Variants in ARID1A observed in about 807,000 individuals in gnomAD.
ARID1A encodes the protein AT-rich interaction domain 1A.
In ARID1A, 20 loss-of-function variants were observed where a neutral mutation model predicts 212.6. That is an observed-to-expected ratio of 0.09 (90% CI 0.07 to 0.14). The LOEUF is 0.14. Among genes scored for constraint, ARID1A ranks in the 10% least tolerant of loss-of-function variants. The pLI, the probability that ARID1A is intolerant of heterozygous loss-of-function variation, is 1.00. For missense variants in ARID1A, 2,587 were observed against 3,059.0 expected, an observed-to-expected ratio of 0.85 and a Z score of 3.64; for synonymous variants, 1,376 against 1,222.1, an observed-to-expected ratio of 1.13 and a Z score of -2.63.
At chr1:26,746,335 T>C (rs2080835095) in intron 4 of ARID1A, among the ~76,000 whole-genome samples, 1 of 152,208 alleles carries the variant, frequency 6.6e-6, no homozygotes, top group Admixed American at 6.5e-5. Flanking sequence ...CACCTTCACC[T>C]ATTCCCCCTT....
chr1:26,731,833 A>G (rs1371066052), intron 3 of ARID1A, among the ~76,000 whole-genome samples: 1 of 152,232 alleles, frequency 6.6e-6, no homozygotes, highest in Non-Finnish European at 1.5e-5. Flanking sequence ...GGGCAATGGA[A>G]AGTTGCATAG....
At chr1:26,707,590 G>A (rs1180057627) in intron 1 of ARID1A, among the ~76,000 whole-genome samples, 1 of 152,054 alleles carries the variant, frequency 6.6e-6, no homozygotes, top group African/African-American at 2.4e-5. Flanking sequence ...TGATCCGCCG[G>A]CTTTGACCTC....
chr1:26,742,445 C>G (rs1458328181), intron 4 of ARID1A, among the ~76,000 whole-genome samples: 4 of 152,182 alleles, frequency 2.6e-5, no homozygotes, highest in African/African-American at 9.7e-5. Flanking sequence ...CTTCTTAGAA[C>G]ATACTGTCCT....
rs755879678 is a variant in ARID1A at position 26,697,495 on chromosome 1, C to T, written c.1092C>T (p.Pro364=). The change falls in exon 1 of 20, where the codon CCC becomes CCT. Residue 364 remains proline (P), a synonymous_variant. Transcript: ENST00000324856. ...GGAGCCACCACGCGCCCATGAGCCCCGGGAGCAGCGGCGGCGGGGGGCAGC... is the reference window on the plus strand; with the variant it reads ...GGAGCCACCACGCGCCCATGAGCCCTGGGAGCAGCGGCGGCGGGGGGCAGC... ...QQRSHHAPMS[P]GSSGGGGQPL... is the part of the protein sequence containing the mutation. 38 of 1,402,116 alleles carry T rather than the reference C, an allele frequency of 2.7e-5. No homozygotes were observed. Among genetic ancestry groups the T allele is most frequent in the Middle Eastern group, 5.2e-4 (2 of 3,868 alleles). 86.9% of individuals were successfully genotyped at this position (1,402,116 alleles called of 1,614,324 possible). A position where few individuals can be genotyped will look rare whatever the true frequency, so the allele number is the denominator to read the frequency against.
intron 4 of ARID1A, among the ~76,000 whole-genome samples, chr1:26,744,259 A>C (rs2080816027): frequency 6.6e-6 from 1 of 152,198 alleles, no homozygotes; most frequent in African/African-American, 2.4e-5. Context: ...TGCTTGCAGC[A>C]GATTACTGTA....
chr1:26,719,623 CTTTTT>C (rs1316554472), intron 1 of ARID1A, among the ~76,000 whole-genome samples: 1 of 145,420 alleles, frequency 6.9e-6, no homozygotes, highest in Non-Finnish European at 1.5e-5. Flanking sequence ...AAACTCTATA[CTTTTT>C]TTTTTTTTCT....
rs2124118080 is a variant in ARID1A, at chr1:26,774,485, C to A, written c.4258C>A (p.Gln1420Lys). The A allele has an allele frequency of 6.2e-7, 1 of 1,613,572 alleles. No individual in the cohort carries two copies. Among genetic ancestry groups the A allele is most frequent in the Non-Finnish European group, 8.5e-7 (1 of 1,179,714 alleles). Residue 1420 changes from glutamine to lysine, a missense_variant, in exon 18 of 20, where the codon CAG becomes AAG. Gln to Lys is a moderately conservative substitution (Grantham distance 53). This residue lies in a region of ARID1A where 890 missense variants were observed against 1,098.2 expected (regional missense o/e 0.81). Transcript: ENST00000324856. This position sits in a 1 kb window ranked among gnomAD's most constrained non-coding sequence, Gnocchi z 5.6. The stretch of plus-strand genomic sequence containing the variant: ...GCCTGCCAGCCAGCAACAAGCTGCC[C>A]AGCCTTCCCCTCAGCAAGATGTATA... The part of the protein sequence containing the change: ...PQPASQQQAA[Q>K]PSPQQDVYNQ...
At chr1:26,734,769 G>A (rs536218371) in intron 4 of ARID1A, among the ~76,000 whole-genome samples, 3 of 152,312 alleles carry the variant, frequency 2.0e-5, no homozygotes. Flanking sequence ...TTCCCTACAA[G>A]AGCCCTCTCC....
At chr1:26,759,595 G>GA (rs2080972473) in intron 4 of ARID1A, among the ~76,000 whole-genome samples, 1 of 152,198 alleles carries the variant, frequency 6.6e-6, no homozygotes, top group African/African-American at 2.4e-5. Flanking sequence ...TTCCCAGCCT[G>GA]AAGTAATGTT....
chr1:26,767,532 T>G (rs1557611897), intron 10 of ARID1A, among the ~76,000 whole-genome samples: 1 of 152,184 alleles, frequency 6.6e-6, no homozygotes, highest in South Asian at 2.1e-4. Context: ...ATGGGGATAA[T>G]TTTATAATAC....
rs1479841770 is a variant in ARID1A, at chr1:26,772,839, T to C, written c.3567T>C (p.Asp1189=). Residue 1189 remains aspartate, a synonymous_variant, in exon 14 of 20, where the codon GAT becomes GAC. Transcript: ENST00000324856. ...MSRSNSVGIQ[D]AFNDGSDSTF... ...GGAGCAATTCAGTTGGGATCCAGGA[T>C]GCCTTTAATGATGGAAGTGACTCCA... The C allele has an allele frequency of 4.3e-6, 7 of 1,614,140 alleles. No individual in the cohort carries two copies. In the African/African-American group the frequency reaches 9.3e-5, roughly 22 times the overall value.
chr1:26,769,465 T>A (rs1322848429), intron 11 of ARID1A: 1 of 152,176 alleles, frequency 6.6e-6, no homozygotes, highest in Non-Finnish European at 1.5e-5. Flanking sequence ...GGTGGAAGAG[T>A]GGCCAATCCA....
intron 1 of ARID1A, among the ~76,000 whole-genome samples, chr1:26,724,495 A>C (rs1278989495): frequency 2.0e-5 from 3 of 152,270 alleles, no homozygotes; most frequent in Admixed American, 6.5e-5. Flanking sequence ...TGAATGGTAT[A>C]TCTCTGCTTA....
chr1:26,774,101 T>C lies in ARID1A; in HGVS notation c.4101+203T>C, dbSNP rs1421350548. 35 of 1,089,874 alleles carry C rather than the reference T, an allele frequency of 3.2e-5. No individual in the cohort carries two copies. The highest frequency in any genetic ancestry group is 4.5e-5 in the Non-Finnish European group (35 of 783,920). The allele number at this position is 1,089,874 out of a possible 1,614,324, so 67.5% of individuals were successfully genotyped here. ...GTTGGAAGGGGCTAGAAATAGACCT[T>C]ATTTTGATTTTTAGGTTTTGTATAT... On this transcript the variant is annotated intron_variant, in intron 17 of 19. Coordinates refer to ENST00000324856, the MANE Select transcript of ARID1A (RefSeq NM_006015.6). This position sits in a 1 kb window ranked among gnomAD's most constrained non-coding sequence, Gnocchi z 5.6.
In ARID1A at chr1:26,774,419, G is replaced by C. The variant is rs1209091196; in HGVS notation, c.4192G>C (p.Gly1398Arg). The C allele has an allele frequency of 5.6e-6, 9 of 1,612,970 alleles. No individual in the cohort carries two copies. Among genetic ancestry groups the C allele is most frequent in the Non-Finnish European group, 7.6e-6 (9 of 1,179,388 alleles). ...MYSVPYSTGQ[G>R]QPQQQQLPPA... ...CAGCGTGCCATACAGCACTGGGCAG[G>C]GGCAGCCTCAGCAGCAGCAGTTGCC... The change falls in exon 18 of 20, where the codon GGG becomes CGG. Residue 1398 changes from glycine (G) to arginine (R), a missense_variant. Physicochemically the swap from Gly to Arg is moderately radical, Grantham distance 125 (BLOSUM62 -2). This residue lies in a region of ARID1A where 890 missense variants were observed against 1,098.2 expected (regional missense o/e 0.81). Transcript: ENST00000324856. This position sits in a 1 kb window ranked among gnomAD's most constrained non-coding sequence, Gnocchi z 5.6.
At chr1:26,707,200 ATTTTTTTTTTTTTT>A (rs751639614) in intron 1 of ARID1A, among the ~76,000 whole-genome samples, 4 of 102,612 alleles carry the variant, frequency 3.9e-5, no homozygotes. Flanking sequence ...CGGCTGGCTA[ATTTTTTTTTTTTTT>A]TTTTTTTTTT....
chr1:26,742,795 T>TC (rs2080800444), intron 4 of ARID1A, among the ~76,000 whole-genome samples: 1 of 151,792 alleles, frequency 6.6e-6, no homozygotes, highest in African/African-American at 2.4e-5. Context: ...ATGGTGAAAC[T>TC]CCATCTCTAC....
At chr1:26,775,830 C>T (rs745869437) in intron 19 of ARID1A, 123 bp downstream of exon 19, 2 of 1,445,204 alleles carry the variant, frequency 1.4e-6, no homozygotes, top group South Asian at 2.4e-5. Flanking sequence ...TCTTCCATGC[C>T]AGTACTTTGC....
rs1557609377 is a variant in ARID1A, at chr1:26,763,087, C to T, written c.2534C>T (p.Pro845Leu). The T allele has an allele frequency of 6.2e-7, 1 of 1,614,282 alleles. No homozygotes were observed. Among genetic ancestry groups the T allele is most frequent in the African/African-American group, 1.3e-5 (1 of 75,078 alleles). ...GCCGGAGGTCAAATGCATGGACAGC[C>T]TGGCATCCCACCTTATGGCACACTC... The part of the protein sequence containing the change: ...MGAGGQMHGQ[P>L]GIPPYGTLPP... The change falls in exon 8 of 20, where the codon CCT becomes CTT. Residue 845 changes from proline (P) to leucine (L), a missense_variant. Pro to Leu is a moderately conservative substitution (Grantham distance 98, BLOSUM62 -3). Transcript: ENST00000324856.
Sources: allele counts gnomAD v4.1 joint callset (sites outside exome capture counted in the v4.1 genomes callset), GRCh38; gene constraint gnomAD v4.1.1; regional missense constraint gnomAD v4.1.1; non-coding constraint Gnocchi (gnomAD v3.1); transcripts MANE v1.5; gene names NCBI Gene and HGNC (gene_info 2026-07-23, HGNC 2026-07-21).